PMS1: variants seen among roughly 807,000 people sequenced by gnomAD.
PMS1 encodes PMS1 homolog 1, mismatch repair system component, also known as PMS1 protein homolog 1.
Under a neutral mutation model 93.1 loss-of-function variants are expected in PMS1, and 79 were observed. The ratio of observed to expected loss-of-function variants is 0.85; its 90% CI spans 0.71 to 1.02. The LOEUF (loss-of-function observed/expected upper bound fraction) is 1.02, where lower values mean the gene tolerates loss of function less well. Ranked by LOEUF, PMS1 falls within the 50% of genes least tolerant of loss-of-function variation. The pLI, the probability that PMS1 is intolerant of heterozygous loss-of-function variation, is 0.00. For synonymous variants in PMS1, 335 were observed against 363.4 expected (o/e 0.92, Z 0.89); for missense variants, 1,064 against 1,085.3 (o/e 0.98, Z 0.28).
At chr2:189,870,159 G>GT (rs1325315983) in intron 11 of PMS1, among the ~76,000 whole-genome samples, 7 of 151,732 alleles carry the variant, frequency 4.6e-5, no homozygotes, top group Non-Finnish European at 7.4e-5. Context: ...TCATTTCTTT[G>GT]TTTTTTTATT....
intron 6 of PMS1, among the ~76,000 whole-genome samples, chr2:189,848,974 G>C (rs1461106580): frequency 6.6e-6 from 1 of 152,182 alleles, no homozygotes; most frequent in African/African-American, 2.4e-5. Context: ...CCCATTATAT[G>C]CCTTTAAGTT....
chr2:189,855,910 T>C (rs1050276687), intron 9 of PMS1: 2 of 958,348 alleles, frequency 2.1e-6, no homozygotes, highest in Non-Finnish European at 2.7e-6. Flanking sequence ...CCTCCAATCA[T>C]ATACAGGTAT....
chr2:189,864,350 T>A, intron 10 of PMS1, 122 bp downstream of exon 10: 2 of 809,804 alleles, frequency 2.5e-6, no homozygotes, highest in Non-Finnish European at 4.2e-6. Flanking sequence ...TTTATTTATT[T>A]TAATCTTTTA....
intron 5 of PMS1, among the ~76,000 whole-genome samples, chr2:189,826,083 A>G (rs2052403215): frequency 6.6e-6 from 1 of 152,170 alleles, no homozygotes; most frequent in African/African-American, 2.4e-5. Context: ...CACTCATGAT[A>G]TTCTCCATGG....
chr2:189,815,884 C>G (rs1317047302), intron 4 of PMS1, among the ~76,000 whole-genome samples: 1 of 152,148 alleles, frequency 6.6e-6, no homozygotes, highest in African/African-American at 2.4e-5. Flanking sequence ...TTTATTTTCT[C>G]ATCTTGTTGT....
chr2:189,817,955 G>A, intron 4 of PMS1, 62 bp from the exon 5 acceptor site: 1 of 1,233,620 alleles, frequency 8.1e-7, no homozygotes. Flanking sequence ...ATTGTATACG[G>A]ATTTGAAGAT....
intron 4 of PMS1, among the ~76,000 whole-genome samples, chr2:189,812,193 C>T (rs577879968): frequency 8.5e-5 from 13 of 152,086 alleles, no homozygotes; most frequent in African/African-American, 2.7e-4. Flanking sequence ...CCCAGCTACT[C>T]GGGAGGGTGA....
chr2:189,872,061 G>T (rs972266217), intron 11 of PMS1, among the ~76,000 whole-genome samples: 6 of 152,008 alleles, frequency 3.9e-5, no homozygotes, highest in African/African-American at 1.4e-4. Flanking sequence ...TCTGCCCCAT[G>T]ACCCAATGCA....
chr2:189,795,679 A>G (rs2049289851), intron 2 of PMS1, 90 bp from the exon 3 acceptor site: 1 of 1,030,204 alleles, frequency 9.7e-7, no homozygotes, highest in East Asian at 2.6e-5. Flanking sequence ...AAGTAAATAA[A>G]TGTCAAAATT....
intron 2 of PMS1, 58 bp from the exon 3 acceptor site, chr2:189,795,711 A>C: frequency 1.5e-6 from 2 of 1,314,574 alleles, no homozygotes; most frequent in South Asian, 1.2e-5. Context: ...GTTTCTTTCT[A>C]AGTGTGATAA....
At chr2:189,855,966 C>T (rs1198246361) in intron 9 of PMS1, 9 of 450,336 alleles carry the variant, frequency 2.0e-5, no homozygotes, top group South Asian at 6.0e-5. Flanking sequence ...AAATTTTAAA[C>T]GTAATCCATC....
intron 6 of PMS1, among the ~76,000 whole-genome samples, chr2:189,844,866 C>CT (rs961405966): frequency 6.7e-5 from 10 of 149,558 alleles, no homozygotes; most frequent in African/African-American, 1.2e-4. Context: ...TTTCTTCTTT[C>CT]TTTTTTTTTG....
intron 3 of PMS1, among the ~76,000 whole-genome samples, chr2:189,799,746 A>C (rs930518305): frequency 2.6e-5 from 4 of 152,178 alleles, no homozygotes; most frequent in Non-Finnish European, 5.9e-5. Flanking sequence ...CTCCATCTGG[A>C]GCTTGCCCTT....
At position 189,805,715 on chromosome 2, in the gene PMS1, G is replaced by A. The variant is rs2050277156; in HGVS notation, c.379G>A (p.Gly127Ser). 4 of 1,613,552 alleles carry A rather than the reference G, an allele frequency of 2.5e-6. No individual in the cohort carries two copies. The highest frequency in any genetic ancestry group is 3.4e-6 in the Non-Finnish European group (4 of 1,179,874). The change falls in exon 4 of 13, where the codon GGC (glycine) becomes AGC (serine). Residue 127 changes from glycine to serine, a missense_variant. Physicochemically the swap from Gly to Ser is moderately conservative, Grantham distance 56. Coordinates refer to ENST00000441310, the MANE Select transcript of PMS1 (RefSeq NM_000534.5). ...FSTQYVLDGS[G>S]HILSQKPSHL... ...CACCCAGTATGTTTTAGATGGCAGT[G>A]GCCACATACTTTCTCAGAAACCTTC...
intron 3 of PMS1, among the ~76,000 whole-genome samples, chr2:189,799,076 C>A (rs1398084028): frequency 1.3e-5 from 2 of 152,128 alleles, no homozygotes; most frequent in African/African-American, 4.8e-5. Context: ...ATTACTTAAA[C>A]CCACTTGATA....
chr2:189,867,712 G>C lies in PMS1; in HGVS notation c.2343-87G>C. ...ATTTTGGTTAATGATGATAACACTTGTCAAAGGGCCCTAGGATTAACTTTT... is the reference window on the plus strand; with the variant it reads ...ATTTTGGTTAATGATGATAACACTTCTCAAAGGGCCCTAGGATTAACTTTT... On this transcript the variant is annotated intron_variant, in intron 10 of 12. Transcript: ENST00000441310. 3.3e-6 allele frequency: 3 copies of C among 914,208 alleles called. No homozygotes were observed. The South Asian group carries it at 4.2e-5, about 13-fold the overall frequency. 56.6% of individuals were successfully genotyped at this position (914,208 alleles called of 1,614,324 possible).
chr2:189,849,846 A>G (rs2054554951), intron 6 of PMS1, among the ~76,000 whole-genome samples: 1 of 146,936 alleles, frequency 6.8e-6, no homozygotes, highest in Admixed American at 6.8e-5. Context: ...AGCTCCAGAC[A>G]GTGGCCACGG....
intron 4 of PMS1, among the ~76,000 whole-genome samples, chr2:189,811,222 A>G (rs1319198795): frequency 6.6e-6 from 1 of 150,686 alleles, no homozygotes; most frequent in Non-Finnish European, 1.5e-5. Context: ...GCAACATTAA[A>G]TGGTCTAACA....
At chr2:189,810,554 G>A (rs1444265822) in intron 4 of PMS1, among the ~76,000 whole-genome samples, 2 of 152,142 alleles carry the variant, frequency 1.3e-5, no homozygotes, top group Admixed American at 6.5e-5. Context: ...TTAGAATATG[G>A]GATCCTCAAA....
Sources: allele counts gnomAD v4.1 joint callset (sites outside exome capture counted in the v4.1 genomes callset), GRCh38; gene constraint gnomAD v4.1.1; transcripts MANE v1.5; gene names NCBI Gene and HGNC (gene_info 2026-07-23, HGNC 2026-07-21).